KLHL32: variants seen among roughly 807,000 people sequenced by gnomAD.
KLHL32 encodes kelch like family member 32.
A neutral mutation model predicts 64.8 loss-of-function variants in KLHL32; 35 were observed. That is an observed-to-expected ratio of 0.54 (90% confidence interval 0.41 to 0.72). The LOEUF is 0.72. KLHL32 is among the 30% of genes least tolerant of loss of function. KLHL32 has a pLI of 0.00. For synonymous variants in KLHL32, 259 were observed against 281.0 expected (o/e 0.92, Z 0.78); for missense variants, 589 against 768.5 (o/e 0.77, Z 2.76).
At chr6:96,961,020 G>A (rs1773823915) in intron 1 of KLHL32, among the ~76,000 whole-genome samples, 1 of 152,092 alleles carries the variant, frequency 6.6e-6, no homozygotes, top group Admixed American at 6.5e-5. Context: ...CCTGGATCAG[G>A]AAAAAAATGA....
chr6:97,137,199 C>T (rs1800119451), intron 10 of KLHL32, among the ~76,000 whole-genome samples: 1 of 152,022 alleles, frequency 6.6e-6, no homozygotes. Flanking sequence ...GAAAGATTCT[C>T]TAGGAAAGTA....
At chr6:97,029,370 A>C (rs1783185528) in intron 3 of KLHL32, among the ~76,000 whole-genome samples, 1 of 152,216 alleles carries the variant, frequency 6.6e-6, no homozygotes, top group Non-Finnish European at 1.5e-5. Context: ...AAAAAACAAT[A>C]TGTAACATAA....
intron 6 of KLHL32, among the ~76,000 whole-genome samples, chr6:97,090,026 AGAGGGACCATGTCACCT>A (rs956662476): frequency 3.5e-4 from 53 of 152,248 alleles, no homozygotes; most frequent in African/African-American, 1.2e-3. Flanking sequence ...AGTGTGGCAA[AGAGGGACCATGTCACCT>A]GATTTGGGGC....
chr6:97,019,766 A>G (rs1033270623), intron 3 of KLHL32, among the ~76,000 whole-genome samples: 2 of 151,876 alleles, frequency 1.3e-5, no homozygotes, highest in Non-Finnish European at 2.9e-5. Context: ...TTCATGAAAC[A>G]GCAAAAAAAT....
intron 1 of KLHL32, among the ~76,000 whole-genome samples, chr6:96,940,325 A>T (rs1273340884): frequency 6.6e-6 from 1 of 152,192 alleles, no homozygotes; most frequent in African/African-American, 2.4e-5. Context: ...GTAGCTCTTA[A>T]TGATTAGGTA....
intron 5 of KLHL32, among the ~76,000 whole-genome samples, chr6:97,081,255 A>G (rs1210714656): frequency 6.6e-6 from 1 of 152,084 alleles, no homozygotes; most frequent in Non-Finnish European, 1.5e-5. Flanking sequence ...ATGATTGGCT[A>G]GTTTGAAAGT....
At chr6:97,132,121 T>A (rs1337717069) in intron 9 of KLHL32, among the ~76,000 whole-genome samples, 1 of 152,170 alleles carries the variant, frequency 6.6e-6, no homozygotes, top group Non-Finnish European at 1.5e-5. Context: ...TTTAATATAA[T>A]CTTTAAAATG....
chr6:96,905,161 T>A, the KLHL32 span, among the ~76,000 whole-genome samples: 1 of 152,082 alleles, frequency 6.6e-6, no homozygotes, highest in African/African-American at 2.4e-5. Flanking sequence ...CAGAAGGTAG[T>A]CTTGATAATT....
At chr6:96,938,630 T>TGCAGCA (rs199671024) in intron 1 of KLHL32, among the ~76,000 whole-genome samples, 3 of 151,850 alleles carry the variant, frequency 2.0e-5, no homozygotes, top group African/African-American at 4.8e-5. Flanking sequence ...TCTCTCTTCC[T>TGCAGCA]GCAGCAGCAG....
At chr6:96,935,562 C>T (rs973156277) in intron 1 of KLHL32, among the ~76,000 whole-genome samples, 1 of 152,282 alleles carries the variant, frequency 6.6e-6, no homozygotes, top group East Asian at 1.9e-4. Flanking sequence ...TGATTTTGAA[C>T]TTGCAGCCTC....
At chr6:97,061,290 A>G (rs778919233) in intron 4 of KLHL32, among the ~76,000 whole-genome samples, 8 of 152,168 alleles carry the variant, frequency 5.3e-5, no homozygotes, top group Non-Finnish European at 1.0e-4. Flanking sequence ...GGGTAGAGGC[A>G]ATGCCCAACC....
At position 97,048,617 on chromosome 6, in the gene KLHL32, C is replaced by T. The variant is rs184436208; in HGVS notation, c.312+7018C>T. ...GTTCACATGACTTTTTTTATATAGCCCTGATAATGCAAACACTGTGCATTA... is the reference window on the plus strand; with the variant it reads ...GTTCACATGACTTTTTTTATATAGCTCTGATAATGCAAACACTGTGCATTA... On this transcript the variant is annotated intron_variant, in intron 4 of 10. Transcript: ENST00000369261. 1.5e-4 allele frequency among the ~76,000 whole-genome samples: 23 copies of T among 152,112 alleles called. No homozygotes were observed. The East Asian group carries it at 4.4e-3, about 29-fold the overall frequency.
chr6:97,067,946 G>C (rs1790065114), intron 5 of KLHL32, among the ~76,000 whole-genome samples: 1 of 152,062 alleles, frequency 6.6e-6, no homozygotes, highest in Non-Finnish European at 1.5e-5. Context: ...CTCAGTGGCG[G>C]GCAGAGCCTC....
At chr6:97,108,385 TACCACAA>T (rs1796688374) in intron 6 of KLHL32, among the ~76,000 whole-genome samples, 1 of 152,106 alleles carries the variant, frequency 6.6e-6, no homozygotes, top group Non-Finnish European at 1.5e-5. Context: ...CACCGAAATA[TACCACAA>T]AGCTAACTGT....
At chr6:96,981,436 TTCTG>T (rs928450613) in intron 3 of KLHL32, among the ~76,000 whole-genome samples, 1 of 152,190 alleles carries the variant, frequency 6.6e-6, no homozygotes, top group Non-Finnish European at 1.5e-5. Flanking sequence ...TATTTGGATT[TTCTG>T]TCTTTCTTTT....
intron 4 of KLHL32, among the ~76,000 whole-genome samples, chr6:97,042,624 A>AT (rs199665711): frequency 1.2e-3 from 170 of 147,706 alleles, no homozygotes; most frequent in Middle Eastern, 3.4e-3. Context: ...CTACCTACCT[A>AT]TTTTTTTTGT....
chr6:96,982,106 G>C (rs893272424), intron 3 of KLHL32, among the ~76,000 whole-genome samples: 2 of 152,062 alleles, frequency 1.3e-5, no homozygotes, highest in African/African-American at 4.8e-5. Context: ...GAATATCTTG[G>C]TTAGTTCTCT....
intron 6 of KLHL32, among the ~76,000 whole-genome samples, chr6:97,107,428 C>T (rs1202647442): frequency 6.6e-6 from 1 of 152,134 alleles, no homozygotes; most frequent in East Asian, 1.9e-4. Context: ...GTTTCTAGTT[C>T]TAGCTTTTCT....
chr6:97,111,407 G>C (rs111815856), intron 6 of KLHL32, among the ~76,000 whole-genome samples: 1 of 152,222 alleles, frequency 6.6e-6, no homozygotes, highest in Non-Finnish European at 1.5e-5. Context: ...ACTGGAATGC[G>C]GGTGCTGGGG....
Sources: gnomAD v4.1 joint callset for allele counts (sites outside exome capture counted in the v4.1 genomes callset) on GRCh38, gnomAD v4.1.1 for gene constraint, MANE v1.5 for transcripts, NCBI Gene and HGNC (gene_info 2026-07-23, HGNC 2026-07-21) for gene names.